LRRC43: variants seen among roughly 807,000 people sequenced by gnomAD.
The protein encoded by LRRC43 is leucine rich repeat containing 43.
LRRC43 carries 62 observed loss-of-function variants against 64.3 expected under a neutral mutation model. The ratio of observed to expected loss-of-function variants is 0.96; its 90% CI spans 0.79 to 1.19. The LOEUF (loss-of-function observed/expected upper bound fraction) is 1.19. Among genes scored for constraint, LRRC43 ranks in the 50% most tolerant of loss-of-function variants. The pLI, the probability that LRRC43 is intolerant of heterozygous loss-of-function variation, is 0.00. For missense variants in LRRC43, 868 were observed against 845.0 expected, an observed-to-expected ratio of 1.03 and a Z score of -0.34; for synonymous variants, 422 against 382.3, an observed-to-expected ratio of 1.10 and a Z score of -1.21.
intron 7 of LRRC43, among the ~76,000 whole-genome samples, chr12:122,198,737 C>T (rs1354072023): frequency 8.1e-6 from 1 of 122,852 alleles, no homozygotes; most frequent in Non-Finnish European, 1.7e-5. Context: ...TCAAGTGATT[C>T]TCCTGCCTCA....
chr12:122,179,787 A>G (rs994913794), upstream of LRRC43, among the ~76,000 whole-genome samples: 5 of 151,970 alleles, frequency 3.3e-5, no homozygotes, highest in African/African-American at 4.8e-5. Context: ...CCTGGCCAAC[A>G]TGGTGAAACC....
chr12:122,192,683 G>C (rs972586287), intron 6 of LRRC43, 62 bp from the exon 7 acceptor site: 1 of 1,580,998 alleles, frequency 6.3e-7, no homozygotes, highest in Admixed American at 1.7e-5. Context: ...AGACACCCCC[G>C]GCATCAGCTG....
At chr12:122,185,115 G>A (rs1009829268) in intron 2 of LRRC43, among the ~76,000 whole-genome samples, 2 of 152,184 alleles carry the variant, frequency 1.3e-5, no homozygotes, top group Non-Finnish European at 2.9e-5. Context: ...GGTCAGGGTA[G>A]GGGAAGGTTG....
chr12:122,182,914 T>C, upstream of LRRC43: 1 of 587,898 alleles, frequency 1.7e-6, no homozygotes, highest in Non-Finnish European at 2.8e-6. Context: ...TGACAGGAGC[T>C]AAGAAACAGG....
chr12:122,193,342 C>G (rs1250419582), intron 7 of LRRC43, among the ~76,000 whole-genome samples: 1 of 139,846 alleles, frequency 7.2e-6, no homozygotes, highest in Non-Finnish European at 1.5e-5. Flanking sequence ...GATCGTGCCA[C>G]TGCGCTCCAG....
chr12:122,174,844 CTTTT>C (rs765071459), intron 1 of LRRC43, among the ~76,000 whole-genome samples: 1 of 142,308 alleles, frequency 7.0e-6, no homozygotes. Context: ...TATCTTTTTT[CTTTT>C]TTTTTTTTTT....
intron 1 of LRRC43, chr12:122,173,720 T>G: frequency 1.2e-6 from 1 of 810,540 alleles, no homozygotes; most frequent in East Asian, 2.5e-5. Flanking sequence ...CTGTCTAGTT[T>G]CCCCCATCCC....
rs1416165267 is a variant in LRRC43 at position 122,168,144 on chromosome 12, A to AAC, written c.-406+363_-406+364insCA. Among the ~76,000 whole-genome samples the AAC allele has an allele frequency of 8.0e-5, 12 of 150,504 alleles. 1 individual carries two copies. The highest frequency in any genetic ancestry group is 6.6e-4 in the Admixed American group (10 of 15,104). On this transcript the variant is annotated intron_variant, in intron 1 of 5. Coordinates refer to the LRRC43 transcript ENST00000537729. The stretch of plus-strand genomic sequence containing the variant: ...AAAATGTTTTAAGTAATTAAAAAAA[A>AAC]AATAGAAGTGGGAAGGCCGGGTGTG...
At chr12:122,194,983 T>C (rs1953760795) in intron 7 of LRRC43, among the ~76,000 whole-genome samples, 1 of 152,300 alleles carries the variant, frequency 6.6e-6, no homozygotes, top group Admixed American at 6.5e-5. Context: ...ATTACCTTTA[T>C]TGGTGATCTT....
intron 2 of LRRC43, among the ~76,000 whole-genome samples, chr12:122,185,174 C>G (rs1334924870): frequency 6.6e-6 from 1 of 152,112 alleles, no homozygotes; most frequent in African/African-American, 2.4e-5. Context: ...TTGTTTACAT[C>G]AGTAGCAGAG....
intron 11 of LRRC43, chr12:122,202,034 G>A (rs955858620): frequency 6.6e-6 from 1 of 152,306 alleles, no homozygotes; most frequent in Non-Finnish European, 1.5e-5. Flanking sequence ...TGAGGCAGGA[G>A]AGTCGCTTGA....
At chr12:122,168,101 C>T (rs1953455786) in intron 1 of LRRC43, among the ~76,000 whole-genome samples, 1 of 146,438 alleles carries the variant, frequency 6.8e-6, no homozygotes, top group Admixed American at 6.9e-5. Flanking sequence ...AGGTATGAGC[C>T]AACACACCTG....
intron 7 of LRRC43, among the ~76,000 whole-genome samples, chr12:122,194,566 CAA>C (rs558202112): frequency 5.3e-5 from 5 of 93,706 alleles, no homozygotes; most frequent in African/African-American, 3.7e-5. Flanking sequence ...AGCTCCGTCT[CAA>C]AAAAAAAAAA....
intron 7 of LRRC43, among the ~76,000 whole-genome samples, chr12:122,194,160 C>T (rs1439251132): frequency 6.6e-6 from 1 of 151,350 alleles, no homozygotes; most frequent in African/African-American, 2.4e-5. Flanking sequence ...ATAATTACTG[C>T]TTTATATAAT....
intron 1 of LRRC43, chr12:122,173,712 G>C (rs996717523): frequency 2.7e-6 from 2 of 739,508 alleles, no homozygotes; most frequent in Admixed American, 2.6e-5. Flanking sequence ...ATCTTTGCCT[G>C]TCTAGTTTCC....
In LRRC43 at chr12:122,200,717, C is replaced by T; in HGVS notation, c.1621-29C>T. ...TGGCCACACCCTTGCTTCAACTTGTCCCACCCTCCTGTCCTCCCGTCGTCG... is the reference window on the plus strand; with the variant it reads ...TGGCCACACCCTTGCTTCAACTTGTTCCACCCTCCTGTCCTCCCGTCGTCG... On this transcript the variant is annotated intron_variant, in intron 9 of 11. Coordinates refer to ENST00000339777, the MANE Select transcript of LRRC43 (RefSeq NM_001098519.2). The surrounding 1 kb of genome is among the most constrained non-coding windows in gnomAD (Gnocchi z 4.6). The T allele has an allele frequency of 6.2e-7, 1 of 1,613,088 alleles. No homozygotes were observed. The highest frequency in any genetic ancestry group is 1.1e-5 in the South Asian group (1 of 91,056).
intron 6 of LRRC43, among the ~76,000 whole-genome samples, chr12:122,192,207 G>A (rs994318313): frequency 2.0e-5 from 3 of 151,902 alleles, no homozygotes; most frequent in African/African-American, 4.8e-5. Flanking sequence ...GCGCAATCTC[G>A]GCTGACTGCA....
In LRRC43 at chr12:122,190,085, C is replaced by T. The variant is rs751280291; in HGVS notation, c.663-45C>T. The T allele has an allele frequency of 5.2e-6, 8 of 1,529,790 alleles. No individual in the cohort carries two copies. The Admixed American group carries it at 1.2e-4, about 22-fold the overall frequency. 94.8% of individuals were successfully genotyped at this position (1,529,790 alleles called of 1,614,324 possible). On this transcript the variant is annotated intron_variant, in intron 4 of 11. Transcript: ENST00000339777. ...TTGGCCACAGGCTGCTTGCCCCCTG[C>T]TCACCTGGCTTCTTGACCCCCAGAC...
At chr12:122,172,592 A>T (rs750048316) in intron 1 of LRRC43, 1 of 1,614,066 alleles carries the variant, frequency 6.2e-7, no homozygotes, top group Admixed American at 1.7e-5. Context: ...CTATGATCTC[A>T]TCAATAACAG....
Sources: allele counts gnomAD v4.1 joint callset (sites outside exome capture counted in the v4.1 genomes callset), GRCh38; gene constraint gnomAD v4.1.1; non-coding constraint Gnocchi (gnomAD v3.1); transcripts MANE v1.5; gene names NCBI Gene and HGNC (gene_info 2026-07-23, HGNC 2026-07-21).